The following JPH3 variants were observed in gnomAD, a reference collection of about 807,000 sequenced individuals.
JPH3 encodes junctophilin-3.
JPH3 carries 11 observed loss-of-function variants against 59.6 expected under a neutral mutation model. The observed-to-expected ratio is 0.18, with a 90% CI of 0.12 to 0.31. The LOEUF is 0.31. Ranked by LOEUF, JPH3 falls within the 10% of genes least tolerant of loss-of-function variation. The pLI, the probability that JPH3 is intolerant of heterozygous loss-of-function variation, is 1.00. For synonymous variants in JPH3, 673 were observed against 483.6 expected, an observed-to-expected ratio of 1.39 and a Z score of -5.14; for missense variants, 1,202 against 1,105.7, an observed-to-expected ratio of 1.09 and a Z score of -1.24.
In JPH3 at chr16:87,667,947, G is replaced by A. The variant is rs535548130; in HGVS notation, c.1161-16195G>A. Among the ~76,000 whole-genome samples the A allele has an allele frequency of 1.6e-4, 25 of 152,306 alleles. 1 individual carries two copies. Among genetic ancestry groups the A allele is most frequent in the Admixed American group, 1.6e-3 (25 of 15,304 alleles). On this transcript the variant is annotated intron_variant, in intron 2 of 4. Coordinates refer to ENST00000284262, the MANE Select transcript of JPH3 (RefSeq NM_020655.4). The stretch of plus-strand genomic sequence containing the variant: ...GCGTGCACAGGCCCCTGCCCTTGGT[G>A]GACACTCTGATTCCACCTGCAAATC...
At chr16:87,664,975 T>C (rs969548938) in intron 2 of JPH3, among the ~76,000 whole-genome samples, 3 of 152,182 alleles carry the variant, frequency 2.0e-5, no homozygotes, top group Admixed American at 6.5e-5. Flanking sequence ...CACAAAACCA[T>C]GTGCATCTTC....
chr16:87,676,757 C>T (rs997023767), intron 2 of JPH3, among the ~76,000 whole-genome samples: 10 of 148,368 alleles, frequency 6.7e-5, no homozygotes, highest in African/African-American at 2.6e-4. Context: ...TTATCTCAGC[C>T]AGGCACAGTG....
At chr16:87,691,110 C>G (rs1308931266) in intron 4 of JPH3, among the ~76,000 whole-genome samples, 1 of 149,596 alleles carries the variant, frequency 6.7e-6, no homozygotes, top group Middle Eastern at 3.2e-3. Flanking sequence ...TTCGTTCCTC[C>G]AGGGCAGGCA....
At chr16:87,657,641 C>G (rs1221288916) in intron 2 of JPH3, among the ~76,000 whole-genome samples, 1 of 152,218 alleles carries the variant, frequency 6.6e-6, no homozygotes, top group Non-Finnish European at 1.5e-5. Flanking sequence ...ATTGTGGAGA[C>G]TGCTCTTGAG....
chr16:87,678,899 G>C (rs2033217779), intron 2 of JPH3, among the ~76,000 whole-genome samples: 1 of 152,356 alleles, frequency 6.6e-6, no homozygotes, highest in East Asian at 1.9e-4. Context: ...AGGATGGATG[G>C]GAGGATTTTC....
chr16:87,613,246 A>G (rs1328755325), intron 1 of JPH3, among the ~76,000 whole-genome samples: 1 of 151,334 alleles, frequency 6.6e-6, no homozygotes, highest in Non-Finnish European at 1.5e-5. Context: ...ACAGGTACCC[A>G]CCACCACGTC....
intron 4 of JPH3, chr16:87,695,512 C>G (rs1355520909): frequency 4.4e-6 from 2 of 454,370 alleles, no homozygotes; most frequent in South Asian, 3.1e-5. Context: ...TTCCAGGTGG[C>G]TGCGAGATGC....
intron 2 of JPH3, among the ~76,000 whole-genome samples, chr16:87,675,264 T>G (rs890005480): frequency 2.7e-5 from 4 of 148,370 alleles, no homozygotes; most frequent in Admixed American, 2.7e-4. Flanking sequence ...CTCTTCCCCT[T>G]GCCAACTCCT....
intron 1 of JPH3, among the ~76,000 whole-genome samples, chr16:87,605,975 C>T (rs2030503672): frequency 6.6e-6 from 1 of 152,224 alleles, no homozygotes; most frequent in Non-Finnish European, 1.5e-5. Context: ...AGAATTGACC[C>T]TTCTGGTCTT....
At chr16:87,632,847 C>G (rs2031607103) in intron 1 of JPH3, among the ~76,000 whole-genome samples, 1 of 151,426 alleles carries the variant, frequency 6.6e-6, no homozygotes. Flanking sequence ...GAGCTGAGAT[C>G]ATGCCACTGC....
At chr16:87,606,994 C>T (rs1487412774) in intron 1 of JPH3, among the ~76,000 whole-genome samples, 1 of 152,144 alleles carries the variant, frequency 6.6e-6, no homozygotes, top group African/African-American at 2.4e-5. Context: ...AACCAGCAGG[C>T]GTCACACTCA....
In JPH3 at chr16:87,693,192, C is replaced by T. The variant is rs569787037; in HGVS notation, c.2166+2666C>T. Among the ~76,000 whole-genome samples, 7 of 152,340 alleles carry T rather than the reference C, an allele frequency of 4.6e-5. No homozygotes were observed. The South Asian group carries it at 6.2e-4, about 14-fold the overall frequency. ...GTGTCCACAACTCCACTTCCATCTGCGCCTCAGGTCCCTGATAGGCTGGGA... is the reference window on the plus strand; with the variant it reads ...GTGTCCACAACTCCACTTCCATCTGTGCCTCAGGTCCCTGATAGGCTGGGA... On this transcript the variant is annotated intron_variant, in intron 4 of 4. Coordinates refer to ENST00000284262, the MANE Select transcript of JPH3 (RefSeq NM_020655.4).
intron 2 of JPH3, among the ~76,000 whole-genome samples, chr16:87,669,107 C>T (rs1488684555): frequency 1.3e-5 from 2 of 152,240 alleles, no homozygotes; most frequent in African/African-American, 4.8e-5. Flanking sequence ...CGGGCCTTCC[C>T]TCTTGCACCA....
At chr16:87,667,345 C>T (rs1410195530) in intron 2 of JPH3, among the ~76,000 whole-genome samples, 2 of 152,226 alleles carry the variant, frequency 1.3e-5, no homozygotes, top group Non-Finnish European at 2.9e-5. Context: ...CGTGGACCTA[C>T]CTTGTTAGGG....
chr16:87,656,877 G>A (rs878915793), intron 2 of JPH3, among the ~76,000 whole-genome samples: 24 of 152,246 alleles, frequency 1.6e-4, no homozygotes, highest in Admixed American at 8.5e-4. Context: ...GTGGTGTTCC[G>A]ACAGGGGATC....
intron 2 of JPH3, among the ~76,000 whole-genome samples, chr16:87,648,888 A>T (rs1240672892): frequency 6.6e-6 from 1 of 152,318 alleles, no homozygotes; most frequent in East Asian, 1.9e-4. Context: ...CAGCACCTGC[A>T]TGCTGACCTG....
rs80001536 is a variant in JPH3, at chr16:87,631,012, T to C, written c.383-13246T>C. The stretch of plus-strand genomic sequence containing the variant: ...TGCATAACTTGAGTTAGTAATTGTC[T>C]CGCTTTTTTTCAGTTGCAATTTTCT... On this transcript the variant is annotated intron_variant, in intron 1 of 4. Transcript: ENST00000284262. Among the ~76,000 whole-genome samples, 1,023 of 152,350 alleles carry C rather than the reference T, an allele frequency of 6.7e-3. 14 individuals carry two copies. The highest frequency in any genetic ancestry group is 0.023 in the African/African-American group (965 of 41,560).
rs376534220 is a variant in JPH3, at chr16:87,681,535, C to T, written c.1161-2607C>T. Among the ~76,000 whole-genome samples, 267 of 73,190 alleles carry T rather than the reference C, an allele frequency of 3.6e-3. 1 individual carries two copies. The highest frequency in any genetic ancestry group is 0.015 in the African/African-American group (257 of 17,362). 48.0% of individuals were successfully genotyped at this position (73,190 alleles called of 152,430 possible). A position where few individuals can be genotyped will look rare whatever the true frequency, so the allele number is the denominator to read the frequency against. ...TGCCGGGAGGTCAGGTGCGCGCGGT[C>T]GTGACAGTGCCGGGAGGTCAGGTGC... is the stretch of plus-strand genomic sequence containing the variant. On this transcript the variant is annotated intron_variant, in intron 2 of 4. Transcript: ENST00000284262.
intron 1 of JPH3, among the ~76,000 whole-genome samples, chr16:87,624,621 G>C (rs1054242706): frequency 1.3e-5 from 2 of 152,190 alleles, no homozygotes; most frequent in African/African-American, 4.8e-5. Context: ...CCAGCCCTGG[G>C]TCACTTTTGG....
Sources: allele counts gnomAD v4.1 joint callset (sites outside exome capture counted in the v4.1 genomes callset), GRCh38; gene constraint gnomAD v4.1.1; transcripts MANE v1.5; gene names NCBI Gene and HGNC (gene_info 2026-07-23, HGNC 2026-07-21).